The following ETV6 variants were observed in gnomAD, a reference collection of about 807,000 sequenced individuals.
ETV6 encodes the protein transcription factor ETV6.
In ETV6, 16 loss-of-function variants were observed where a neutral mutation model predicts 51.1. The ratio of observed to expected loss-of-function variants is 0.31; its 90% CI spans 0.21 to 0.48. The LOEUF is 0.48. Ranked by LOEUF, ETV6 falls within the 20% of genes least tolerant of loss-of-function variation. ETV6 has a pLI of 0.99. For missense variants in ETV6, 458 were observed against 594.8 expected (o/e 0.77, Z 2.39); for synonymous variants, 240 against 224.1 (o/e 1.07, Z -0.64).
At chr12:11,768,894 G>A in intron 2 of ETV6, 1 of 472,868 alleles carries the variant, frequency 2.1e-6, no homozygotes, top group Non-Finnish European at 4.3e-6. Context: ...CTTTCTCCTT[G>A]TGAAATTCCT....
intron 1 of ETV6, among the ~76,000 whole-genome samples, chr12:11,725,988 A>G (rs1373913762): frequency 6.6e-6 from 1 of 152,208 alleles, no homozygotes; most frequent in Non-Finnish European, 1.5e-5. Context: ...CTAGCAGTAC[A>G]ACATGACTAA....
chr12:11,779,972 A>G (rs1424827434), intron 2 of ETV6, among the ~76,000 whole-genome samples: 3 of 152,242 alleles, frequency 2.0e-5, no homozygotes, highest in Non-Finnish European at 4.4e-5. Context: ...AATAGATGAC[A>G]TGACTTTTTA....
intron 2 of ETV6, among the ~76,000 whole-genome samples, chr12:11,763,640 G>A (rs1945123430): frequency 6.6e-6 from 1 of 152,228 alleles, no homozygotes; most frequent in South Asian, 2.1e-4. Context: ...CTTTCGTTGG[G>A]ATCGTCTTAT....
intron 1 of ETV6, among the ~76,000 whole-genome samples, chr12:11,663,876 A>G (rs1864147220): frequency 6.6e-6 from 1 of 152,050 alleles, no homozygotes; most frequent in Non-Finnish European, 1.5e-5. Context: ...ACTGGGCAAT[A>G]GTTTTCTTTA....
rs141507958 is a variant in ETV6 at position 11,656,508 on chromosome 12, A to G, written c.33+6348A>G. On this transcript the variant is annotated intron_variant, in intron 1 of 7. Transcript: ENST00000396373. Reference sequence around the variant, plus strand: ...GAAGATGGGTCTTCCTAGCCATTACACAAGTAGCGGGGACAACCAGATGGT... The same window carrying G: ...GAAGATGGGTCTTCCTAGCCATTACGCAAGTAGCGGGGACAACCAGATGGT... Among the ~76,000 whole-genome samples the G allele has an allele frequency of 2.8e-3, 421 of 152,304 alleles. 3 individuals are homozygous for G. The highest frequency in any genetic ancestry group is 9.7e-3 in the African/African-American group (403 of 41,558).
At chr12:11,740,147 G>T (rs1865783058) in intron 1 of ETV6, among the ~76,000 whole-genome samples, 1 of 152,174 alleles carries the variant, frequency 6.6e-6, no homozygotes, top group Admixed American at 6.5e-5. Context: ...TGTGCCTGCT[G>T]GGTCCTTGTA....
intron 1 of ETV6, among the ~76,000 whole-genome samples, chr12:11,650,888 C>G (rs1409299159): frequency 6.6e-6 from 1 of 152,190 alleles, no homozygotes; most frequent in Admixed American, 6.5e-5. Flanking sequence ...GCAAAATGAC[C>G]TTCTGTGTTT....
At chr12:11,884,407 C>T (rs1473285197) in intron 5 of ETV6, 38 bp from the exon 6 acceptor site, 1 of 1,611,726 alleles carries the variant, frequency 6.2e-7, no homozygotes, top group Admixed American at 1.7e-5. Context: ...CAACAAGAAA[C>T]ATTTTCAACA....
intron 1 of ETV6, among the ~76,000 whole-genome samples, chr12:11,695,835 C>T (rs567987735): frequency 6.6e-6 from 1 of 152,210 alleles, no homozygotes; most frequent in Non-Finnish European, 1.5e-5. Flanking sequence ...GCTTTGGAGT[C>T]TCATGCGGTC....
intron 2 of ETV6, among the ~76,000 whole-genome samples, chr12:11,791,204 T>G (rs940656355): frequency 6.6e-6 from 1 of 152,210 alleles, no homozygotes. Flanking sequence ...CTGGTTTGTT[T>G]TTCTTTCTTT....
intron 2 of ETV6, among the ~76,000 whole-genome samples, chr12:11,830,222 T>C (rs1946222719): frequency 6.6e-6 from 1 of 152,220 alleles, no homozygotes; most frequent in Admixed American, 6.5e-5. Flanking sequence ...GATCTGCAGC[T>C]AGACCAGGCC....
intron 2 of ETV6, among the ~76,000 whole-genome samples, chr12:11,789,915 T>A (rs1336063152): frequency 6.6e-6 from 1 of 152,192 alleles, no homozygotes; most frequent in Non-Finnish European, 1.5e-5. Context: ...TCTGTGCTAA[T>A]CCTGATGCTC....
At chr12:11,827,542 G>T (rs1411685139) in intron 2 of ETV6, among the ~76,000 whole-genome samples, 1 of 151,580 alleles carries the variant, frequency 6.6e-6, no homozygotes, top group African/African-American at 2.4e-5. Context: ...CCCAGCCCCC[G>T]CGCCCTGCCC....
At chr12:11,827,271 A>G (rs1021227589) in intron 2 of ETV6, among the ~76,000 whole-genome samples, 2 of 152,142 alleles carry the variant, frequency 1.3e-5, no homozygotes, top group African/African-American at 4.8e-5. Flanking sequence ...GCAGCAGCCC[A>G]GACAGCCTTT....
At chr12:11,665,206 C>G (rs1002916351) in intron 1 of ETV6, among the ~76,000 whole-genome samples, 2 of 152,150 alleles carry the variant, frequency 1.3e-5, no homozygotes, top group African/African-American at 4.8e-5. Flanking sequence ...CAGGGTTTCA[C>G]CAGGCTGGTC....
intron 1 of ETV6, among the ~76,000 whole-genome samples, chr12:11,734,097 T>G (rs1865656126): frequency 6.6e-6 from 1 of 152,224 alleles, no homozygotes; most frequent in South Asian, 2.1e-4. Flanking sequence ...TTGCAGCATC[T>G]TTAAAGGAAT....
Position 11,786,677 on chromosome 12 carries a change from A to G in ETV6, c.163+34098A>G, listed in dbSNP as rs564207323. On this transcript the variant is annotated intron_variant, in intron 2 of 7. Transcript: ENST00000396373. The stretch of plus-strand genomic sequence containing the variant: ...AACGAGTCACTTGGAGAAGGATGCC[A>G]TGGAGAGTATTGGGCCAGGTGATTT... Among the ~76,000 whole-genome samples the G allele has an allele frequency of 2.0e-5, 3 of 152,332 alleles. No individual in the cohort carries two copies. The South Asian group carries it at 6.2e-4, about 32-fold the overall frequency.
rs951675880 is a variant in ETV6 at position 11,869,033 on chromosome 12, C to G, written c.464-391C>G. ...AGGCAGAGCACGAGGTCAGGAGACC[C>G]AGACCATCCTGGCTAACACGGTGAA... On this transcript the variant is annotated intron_variant, in intron 4 of 7. Transcript: ENST00000396373. This position sits in a 1 kb window ranked among gnomAD's most constrained non-coding sequence, Gnocchi z 5.0. Among the ~76,000 whole-genome samples the G allele has an allele frequency of 3.3e-5, 5 of 152,028 alleles. No homozygotes were observed. Among genetic ancestry groups the G allele is most frequent in the Non-Finnish European group, 2.9e-5 (2 of 67,986 alleles).
intron 1 of ETV6, among the ~76,000 whole-genome samples, chr12:11,653,332 C>T (rs1286800287): frequency 6.6e-6 from 1 of 152,190 alleles, no homozygotes; most frequent in Non-Finnish European, 1.5e-5. Context: ...GACACGGTCC[C>T]TTGTCAGGCT....
Sources: allele counts gnomAD v4.1 joint callset (sites outside exome capture counted in the v4.1 genomes callset), GRCh38; gene constraint gnomAD v4.1.1; non-coding constraint Gnocchi (gnomAD v3.1); transcripts MANE v1.5; gene names NCBI Gene and HGNC (gene_info 2026-07-23, HGNC 2026-07-21).